The following PAK2 variants were observed in gnomAD, a reference collection of about 807,000 sequenced individuals.
The protein encoded by PAK2 is p21 (RAC1) activated kinase 2.
PAK2 carries 21 observed loss-of-function variants against 65.9 expected under a neutral mutation model. The observed-to-expected ratio is 0.32, with a 90% CI of 0.23 to 0.46. PAK2 has a LOEUF of 0.46. Ranked by LOEUF, PAK2 falls within the 20% of genes least tolerant of loss-of-function variation. PAK2 has a pLI of 1.00. For missense variants in PAK2, 324 were observed against 642.6 expected (o/e 0.50, Z 5.36); for synonymous variants, 204 against 219.7 (o/e 0.93, Z 0.63).
At chr3:196,759,747 G>A (rs1015615515) in intron 1 of PAK2, among the ~76,000 whole-genome samples, 1 of 151,816 alleles carries the variant, frequency 6.6e-6, no homozygotes, top group Admixed American at 6.6e-5. Flanking sequence ...GGCTGGTCTT[G>A]AACTCCTGAG....
chr3:196,760,726 T>C (rs1286678845), intron 1 of PAK2, among the ~76,000 whole-genome samples: 1 of 152,210 alleles, frequency 6.6e-6, no homozygotes, highest in Non-Finnish European at 1.5e-5. Context: ...CTGGTGAAGA[T>C]TCTGAAACAA....
At position 196,785,373 on chromosome 3, in the gene PAK2, G is replaced by A. The variant is rs540084642; in HGVS notation, c.187+2540G>A. Among the ~76,000 whole-genome samples, 5 of 152,284 alleles carry A rather than the reference G, an allele frequency of 3.3e-5. No homozygotes were observed. In the South Asian group the frequency reaches 1.0e-3, roughly 32 times the overall value. On this transcript the variant is annotated intron_variant, in intron 2 of 14. Transcript: ENST00000327134. The stretch of plus-strand genomic sequence containing the variant: ...TTAGGATTAGAATTGCTGGGTTACA[G>A]GCTGTTCCCGTGTGTGACTTGACTA...
chr3:196,794,704 C>A (rs1335982416), intron 2 of PAK2, among the ~76,000 whole-genome samples: 1 of 152,176 alleles, frequency 6.6e-6, no homozygotes, highest in Non-Finnish European at 1.5e-5. Flanking sequence ...CTGTATAACT[C>A]AGCCAAAGGG....
At chr3:196,767,330 T>C (rs1271763460) in intron 1 of PAK2, among the ~76,000 whole-genome samples, 2 of 152,186 alleles carry the variant, frequency 1.3e-5, no homozygotes, top group Non-Finnish European at 2.9e-5. Context: ...TAGTCGGTAC[T>C]CCTAAACACT....
At chr3:196,810,160 A>G (rs1384798716) in intron 7 of PAK2, among the ~76,000 whole-genome samples, 2 of 151,846 alleles carry the variant, frequency 1.3e-5, no homozygotes, top group Non-Finnish European at 2.9e-5. Flanking sequence ...ATATTCAAAT[A>G]TATCTATTTC....
At chr3:196,794,259 A>G (rs1715172159) in intron 2 of PAK2, among the ~76,000 whole-genome samples, 1 of 152,228 alleles carries the variant, frequency 6.6e-6, no homozygotes, top group African/African-American at 2.4e-5. Flanking sequence ...AGTGACTTCT[A>G]GCTCTAAAAT....
rs1713135482 is a variant in PAK2 at position 196,740,101 on chromosome 3, C to T, written c.-78C>T. 1.3e-5 allele frequency: 2 copies of T among 152,056 alleles called. No homozygotes were observed. The highest frequency in any genetic ancestry group is 1.3e-4 in the Admixed American group (2 of 15,288). The allele number at this position is 152,056 out of a possible 1,614,324, so 9.4% of individuals were successfully genotyped here. A position where few individuals can be genotyped will look rare whatever the true frequency, so the allele number is the denominator to read the frequency against. ...CGCTAGCCCGGGGCGGCTCCGCAGC[C>T]CGCCGGGAGCTCTGACCGAGGCGCC... is the stretch of plus-strand genomic sequence containing the variant. On this transcript the variant is annotated 5_prime_UTR_variant, in exon 1 of 15. Transcript: ENST00000327134.
Position 196,825,452 on chromosome 3 carries a change from G to A in PAK2, c.1351-1744G>A, listed in dbSNP as rs369059307. Among the ~76,000 whole-genome samples, 103 of 151,688 alleles carry A rather than the reference G, an allele frequency of 6.8e-4. 1 individual carries two copies. The highest frequency in any genetic ancestry group is 3.4e-3 in the Middle Eastern group (1 of 294). ...AAGTTGGGAGTTTAAGACCAGCCTG[G>A]CCAACACAGTGAAACCCCGTCTCTA... On this transcript the variant is annotated intron_variant, in intron 13 of 14. Coordinates refer to ENST00000327134, the MANE Select transcript of PAK2 (RefSeq NM_002577.4).
At position 196,799,606 on chromosome 3, in the gene PAK2, G is replaced by A. The variant is rs1715358020; in HGVS notation, c.188-2321G>A. Among the ~76,000 whole-genome samples the A allele has an allele frequency of 4.6e-5, 7 of 152,108 alleles. 1 individual carries two copies. The South Asian group carries it at 1.4e-3, about 31-fold the overall frequency. On this transcript the variant is annotated intron_variant, in intron 2 of 14. Coordinates refer to ENST00000327134, the MANE Select transcript of PAK2 (RefSeq NM_002577.4). ...GGACCCTCACCAGGTGTGGCTTCTT[G>A]GTCCTTGACCTGGAGGACTTTCCAG...
chr3:196,758,888 C>A (rs1020060033), intron 1 of PAK2, among the ~76,000 whole-genome samples: 3 of 152,094 alleles, frequency 2.0e-5, no homozygotes, highest in Non-Finnish European at 4.4e-5. Context: ...GAACTCCTGA[C>A]CTCAAGTGAT....
intron 1 of PAK2, among the ~76,000 whole-genome samples, chr3:196,760,503 A>G (rs1035966935): frequency 6.6e-6 from 1 of 152,144 alleles, no homozygotes; most frequent in African/African-American, 2.4e-5. Context: ...CGCCGGCCTC[A>G]GCCTCCCAAA....
chr3:196,802,396 C>T (rs61082870), intron 3 of PAK2, among the ~76,000 whole-genome samples: 110 of 151,472 alleles, frequency 7.3e-4, no homozygotes, highest in African/African-American at 2.6e-3. Context: ...AGTGAAACTC[C>T]GTCTCAAAAA....
intron 2 of PAK2, among the ~76,000 whole-genome samples, chr3:196,797,120 A>T (rs757076677): frequency 5.3e-5 from 8 of 152,222 alleles, no homozygotes; most frequent in Non-Finnish European, 1.2e-4. Flanking sequence ...ACACAATAAC[A>T]GTAGAATATA....
chr3:196,805,935 A>G (rs4916552), intron 5 of PAK2, among the ~76,000 whole-genome samples: 134,429 of 151,108 alleles, frequency 0.89, 59,855 homozygotes, highest in East Asian at 1. Context: ...TTTTTGAGTT[A>G]GAGTCTCGCT....
At chr3:196,818,602 G>A (rs1711554453) in intron 12 of PAK2, among the ~76,000 whole-genome samples, 1 of 152,150 alleles carries the variant, frequency 6.6e-6, no homozygotes, top group South Asian at 2.1e-4. Flanking sequence ...ACTGAACTCA[G>A]GTATCTTCCC....
At chr3:196,759,587 C>T (rs924480408) in intron 1 of PAK2, among the ~76,000 whole-genome samples, 3 of 131,530 alleles carry the variant, frequency 2.3e-5, no homozygotes, top group Admixed American at 8.8e-5. Context: ...AGTACAGTGG[C>T]GTGATCTCGG....
At chr3:196,753,503 C>A (rs1240620557) in intron 1 of PAK2, among the ~76,000 whole-genome samples, 1 of 152,206 alleles carries the variant, frequency 6.6e-6, no homozygotes, top group Non-Finnish European at 1.5e-5. Context: ...CTAATTATTT[C>A]TTTTATCTCG....
rs79626407 is a variant in PAK2, at chr3:196,760,079, C to T, written c.-22+19922C>T. On this transcript the variant is annotated intron_variant, in intron 1 of 14. Coordinates refer to ENST00000327134, the MANE Select transcript of PAK2 (RefSeq NM_002577.4). ...TCAAGGTCCATCCATGCTGTGGCAT[C>T]TCTCAGCACTTCATTCCTTTTACAG... Among the ~76,000 whole-genome samples, 1,503 of 152,262 alleles carry T rather than the reference C, an allele frequency of 9.9e-3. 26 individuals are homozygous for T. The highest frequency in any genetic ancestry group is 0.034 in the African/African-American group (1,420 of 41,540).
intron 1 of PAK2, among the ~76,000 whole-genome samples, chr3:196,769,272 G>T (rs147895575): frequency 2.6e-5 from 4 of 151,956 alleles, no homozygotes; most frequent in Non-Finnish European, 5.9e-5. Context: ...GCAGTGAGCC[G>T]TTATTGCACC....
Sources: allele counts gnomAD v4.1 joint callset (sites outside exome capture counted in the v4.1 genomes callset), GRCh38; gene constraint gnomAD v4.1.1; transcripts MANE v1.5; gene names NCBI Gene and HGNC (gene_info 2026-07-23, HGNC 2026-07-21).